The following FBXO10 variants were observed in gnomAD, a reference collection of about 807,000 sequenced individuals.
The protein encoded by FBXO10 is F-box protein 10.
A neutral mutation model predicts 80.7 loss-of-function variants in FBXO10; 39 were observed. That is an observed-to-expected ratio of 0.48 (90% CI 0.37 to 0.63). The LOEUF (loss-of-function observed/expected upper bound fraction) is 0.63. Among genes scored for constraint, FBXO10 ranks in the 30% least tolerant of loss-of-function variants. The pLI is 0.00. For missense variants in FBXO10, 1,025 were observed against 1,269.0 expected, an observed-to-expected ratio of 0.81 and a Z score of 2.92; for synonymous variants, 449 against 489.6, an observed-to-expected ratio of 0.92 and a Z score of 1.09.
chr9:37,570,025 A>G (rs1822708168), intron 1 of FBXO10, among the ~76,000 whole-genome samples: 1 of 152,246 alleles, frequency 6.6e-6, no homozygotes, highest in Non-Finnish European at 1.5e-5. Context: ...TAAACAACAA[A>G]GAAGGCTGGG....
Position 37,537,416 on chromosome 9 carries a change from C to T in FBXO10, c.1113G>A (p.Met371Ile), listed in dbSNP as rs753279634. The change falls in exon 3 of 11, where the codon ATG (methionine) becomes ATA (isoleucine). Residue 371 changes from methionine (M) to isoleucine (I), a missense_variant. Coordinates refer to ENST00000432825, the MANE Select transcript of FBXO10 (RefSeq NM_012166.3). ...CCTGCACTTGGTAGGATAGTCTGTACATCAGCTGGTCCTCATCTTCATCCT... is the reference window on the plus strand; with the variant it reads ...CCTGCACTTGGTAGGATAGTCTGTATATCAGCTGGTCCTCATCTTCATCCT... ...SGEDEDEDQL[M>I]YRLSYQVQGP... The T allele has an allele frequency of 3.8e-6, 6 of 1,599,282 alleles. No individual in the cohort carries two copies. Among genetic ancestry groups the T allele is most frequent in the Non-Finnish European group, 5.1e-6 (6 of 1,172,578 alleles).
At chr9:37,542,690 C>T (rs1821956274) in intron 1 of FBXO10, among the ~76,000 whole-genome samples, 1 of 151,676 alleles carries the variant, frequency 6.6e-6, no homozygotes. Context: ...AGAAAGATGA[C>T]CTTTAAAAAG....
intron 6 of FBXO10, among the ~76,000 whole-genome samples, chr9:37,524,067 C>T (rs953706564): frequency 1.3e-5 from 2 of 152,230 alleles, no homozygotes; most frequent in Non-Finnish European, 2.9e-5. Flanking sequence ...TCCATGTCCC[C>T]ACTGCAGGCC....
At position 37,543,120 on chromosome 9, in the gene FBXO10, C is replaced by T. The variant is rs1181464847; in HGVS notation, c.-6-1346G>A. ...GAGTCAGATGCTGTGGGTTTTGGTC[C>T]TGGCTCTGCCATTGGTTATCCTGAG... On this transcript the variant is annotated intron_variant, in intron 1 of 10. Coordinates refer to ENST00000432825, the MANE Select transcript of FBXO10 (RefSeq NM_012166.3). 2.6e-5 allele frequency among the ~76,000 whole-genome samples: 4 copies of T among 152,330 alleles called. No individual in the cohort carries two copies. The East Asian group carries it at 7.7e-4, about 29-fold the overall frequency.
At chr9:37,530,283 T>C (rs1821585711) in intron 4 of FBXO10, among the ~76,000 whole-genome samples, 1 of 152,228 alleles carries the variant, frequency 6.6e-6, no homozygotes, top group African/African-American at 2.4e-5. Context: ...ACTCTCCTTA[T>C]TCTTACTCTT....
At chr9:37,544,969 G>A (rs1402011000) in intron 1 of FBXO10, among the ~76,000 whole-genome samples, 1 of 139,360 alleles carries the variant, frequency 7.2e-6, no homozygotes, top group East Asian at 2.2e-4. Flanking sequence ...ACTCCAGCCT[G>A]GGCGACAGAG....
intron 1 of FBXO10, among the ~76,000 whole-genome samples, chr9:37,544,256 G>A (rs1444556691): frequency 2.0e-5 from 3 of 152,098 alleles, no homozygotes; most frequent in African/African-American, 4.8e-5. Flanking sequence ...GCAACAGAGC[G>A]GGACTCTGTC....
At chr9:37,567,995 A>C (rs1010844481) in intron 1 of FBXO10, among the ~76,000 whole-genome samples, 1 of 152,188 alleles carries the variant, frequency 6.6e-6, no homozygotes, top group Non-Finnish European at 1.5e-5. Flanking sequence ...ATCCTCTTGC[A>C]AGGAATGGGG....
rs1047596468 is a variant in FBXO10, at chr9:37,525,271, A to C, written c.1707-99T>G. On this transcript the variant is annotated intron_variant, in intron 5 of 10. Transcript: ENST00000432825. ...TTTCATGGAAACCCTGTCTCTACAA[A>C]AAATACAAAAAAATTAGCCGGGTGT... The C allele has an allele frequency of 4.9e-5, 56 of 1,145,176 alleles. No homozygotes were observed. The African/African-American group carries it at 7.7e-4, about 16-fold the overall frequency. The allele number at this position is 1,145,176 out of a possible 1,614,324, so 70.9% of individuals were successfully genotyped here.
chr9:37,563,912 G>A (rs1340217445), intron 1 of FBXO10, among the ~76,000 whole-genome samples: 3 of 152,260 alleles, frequency 2.0e-5, no homozygotes, highest in Admixed American at 6.5e-5. Context: ...CACAAGTAAT[G>A]AGGAATGTTA....
chr9:37,521,408 C>A (rs1481701467), intron 8 of FBXO10, among the ~76,000 whole-genome samples, 161 bp downstream of exon 8: 1 of 152,178 alleles, frequency 6.6e-6, no homozygotes, highest in Non-Finnish European at 1.5e-5. Context: ...TGTGAAGTGG[C>A]AACCTTGTGT....
At chr9:37,529,368 A>G in intron 4 of FBXO10, 108 bp from the exon 5 acceptor site, 1 of 1,245,978 alleles carries the variant, frequency 8.0e-7, no homozygotes, top group Non-Finnish European at 1.1e-6. Flanking sequence ...AGTGGAGAAA[A>G]TGACGTCACT....
Position 37,536,598 on chromosome 9 carries a change from C to A in FBXO10, c.1419+512G>T, listed in dbSNP as rs1167136515. ...CACCGCATGGTTGAATTCAACCTCA[C>A]ACCCAGGCTCTGGCGTAGGATGTTT... On this transcript the variant is annotated intron_variant, in intron 3 of 10. Coordinates refer to ENST00000432825, the MANE Select transcript of FBXO10 (RefSeq NM_012166.3). Among the ~76,000 whole-genome samples, 5 of 152,300 alleles carry A rather than the reference C, an allele frequency of 3.3e-5. No homozygotes were observed. In the East Asian group the frequency reaches 9.6e-4, roughly 29 times the overall value.
In FBXO10 at chr9:37,514,331, T is replaced by G. The variant is rs573497333; in HGVS notation, c.2696+1573A>C. 2.0e-5 allele frequency among the ~76,000 whole-genome samples: 3 copies of G among 152,224 alleles called. No individual in the cohort carries two copies. The East Asian group carries it at 5.8e-4, about 29-fold the overall frequency. ...ACAGCGGACAATACCAGAGCTGGCATTGGCAAAGTCCGGGCTGTATCCTGT... is the reference window on the plus strand; with the variant it reads ...ACAGCGGACAATACCAGAGCTGGCAGTGGCAAAGTCCGGGCTGTATCCTGT... On this transcript the variant is annotated intron_variant, in intron 10 of 10. Transcript: ENST00000432825.
At chr9:37,569,482 GAAA>G (rs199571760) in intron 1 of FBXO10, among the ~76,000 whole-genome samples, 1 of 127,870 alleles carries the variant, frequency 7.8e-6, no homozygotes, top group Non-Finnish European at 1.7e-5. Flanking sequence ...TAATTCATAG[GAAA>G]AAAAAAAACA....
intron 1 of FBXO10, among the ~76,000 whole-genome samples, chr9:37,569,078 G>A (rs1386484584): frequency 6.6e-6 from 1 of 151,884 alleles, no homozygotes; most frequent in Admixed American, 6.6e-5. Flanking sequence ...AGAAAGTCAG[G>A]GTTTTCCCTG....
At chr9:37,550,169 GTTTTT>G (rs74171511) in intron 1 of FBXO10, among the ~76,000 whole-genome samples, 2,092 of 67,216 alleles carry the variant, frequency 0.031, 40 homozygotes, top group South Asian at 0.087. Flanking sequence ...GTCGTCTCAG[GTTTTT>G]TTTTTTTTTT....
intron 3 of FBXO10, among the ~76,000 whole-genome samples, chr9:37,536,892 A>G (rs1428088325): frequency 6.6e-6 from 1 of 152,150 alleles, no homozygotes; most frequent in Non-Finnish European, 1.5e-5. Flanking sequence ...CTAACTTGCT[A>G]TGTGACCCTG....
intron 1 of FBXO10, among the ~76,000 whole-genome samples, chr9:37,559,600 A>G (rs1172635994): frequency 2.0e-5 from 3 of 152,262 alleles, no homozygotes; most frequent in African/African-American, 7.2e-5. Flanking sequence ...CCTTCTGGGC[A>G]CATGACAAGA....
Sources: allele counts gnomAD v4.1 joint callset (sites outside exome capture counted in the v4.1 genomes callset), GRCh38; gene constraint gnomAD v4.1.1; transcripts MANE v1.5; gene names NCBI Gene and HGNC (gene_info 2026-07-23, HGNC 2026-07-21).